Variants in STK33 observed in about 807,000 individuals in gnomAD.
STK33 encodes the protein serine/threonine kinase 33, also known as serine/threonine-protein kinase 33.
In STK33, 52 loss-of-function variants were observed where a neutral mutation model predicts 58.0. That is an observed-to-expected ratio of 0.90 (90% CI 0.72 to 1.13). STK33 has a LOEUF of 1.13. Ranked by LOEUF, STK33 falls within the 50% of genes most tolerant of loss-of-function variation. STK33 has a pLI of 0.00. For missense variants in STK33, 630 were observed against 604.2 expected, an observed-to-expected ratio of 1.04 and a Z score of -0.45; for synonymous variants, 215 against 200.1, an observed-to-expected ratio of 1.07 and a Z score of -0.63.
chr11:8,515,179 T>G (rs1169943314), intron 1 of STK33, among the ~76,000 whole-genome samples: 1 of 151,872 alleles, frequency 6.6e-6, no homozygotes, highest in African/African-American at 2.4e-5. Flanking sequence ...CTCTTAGCTA[T>G]ACTAAGAAAA....
At chr11:8,582,259 T>C (rs1457767958) in intron 1 of STK33, among the ~76,000 whole-genome samples, 2 of 152,252 alleles carry the variant, frequency 1.3e-5, no homozygotes, top group Non-Finnish European at 2.9e-5. Flanking sequence ...TATAGCTTGA[T>C]ATTTTTTAAC....
the STK33 span, among the ~76,000 whole-genome samples, chr11:8,363,653 TG>T: frequency 6.6e-6 from 1 of 152,254 alleles, no homozygotes. Flanking sequence ...CAGCGGTGCG[TG>T]CAGGACACAC....
In STK33 at chr11:8,404,643, T is replaced by C. The variant is rs545799060; in HGVS notation, c.1344+8852A>G. On this transcript the variant is annotated intron_variant, in intron 15 of 15. Coordinates refer to ENST00000687296, the MANE Select transcript of STK33 (RefSeq NM_001352389.2). ...AGGTTTTTGAGATTCATCTATGTAA[T>C]AGTAACTCATTTCTTTTTTCTTGCC... Among the ~76,000 whole-genome samples the C allele has an allele frequency of 6.3e-4, 96 of 152,356 alleles. 1 individual carries two copies. The South Asian group carries it at 0.011, about 18-fold the overall frequency.
In STK33 at chr11:8,424,235, G is replaced by A. The variant is rs189619548; in HGVS notation, c.1147-10543C>T. ...TTCCCACCTATGAGTGAGAACATGC[G>A]GTGTTTGGCTTTTTGTCCTTGCGAT... is the stretch of plus-strand genomic sequence containing the variant. On this transcript the variant is annotated intron_variant, in intron 14 of 15. Coordinates refer to ENST00000687296, the MANE Select transcript of STK33 (RefSeq NM_001352389.2). Among the ~76,000 whole-genome samples the A allele has an allele frequency of 1.5e-4, 23 of 150,576 alleles. No homozygotes were observed. In the East Asian group the frequency reaches 2.8e-3, roughly 18 times the overall value.
At chr11:8,364,788 C>T in the STK33 span, among the ~76,000 whole-genome samples, 4 of 152,192 alleles carry the variant, frequency 2.6e-5, no homozygotes, top group Non-Finnish European at 5.9e-5. Flanking sequence ...ATCCCTTCTT[C>T]TGTTGATGGA....
rs140105644 is a variant in STK33, at chr11:8,425,329, T to C, written c.1146+10165A>G. Among the ~76,000 whole-genome samples, 508 of 152,314 alleles carry C rather than the reference T, an allele frequency of 3.3e-3. 5 individuals are homozygous for C. Among genetic ancestry groups the C allele is most frequent in the African/African-American group, 0.012 (486 of 41,566 alleles). On this transcript the variant is annotated intron_variant, in intron 14 of 15. Transcript: ENST00000687296. ...GGCATTACTTCTGAGGGCTCTGTTC[T>C]GTTCCAGTGGTCTACATCTCTGTTT...
At chr11:8,463,051 C>T (rs75570395) in intron 7 of STK33, among the ~76,000 whole-genome samples, 8,080 of 152,248 alleles carry the variant, frequency 0.053, 289 homozygotes, top group Non-Finnish European at 0.071. Context: ...TACCTAGTGT[C>T]ATTCCAGCTT....
chr11:8,445,299 T>C (rs1945292431), intron 11 of STK33, among the ~76,000 whole-genome samples: 2 of 152,240 alleles, frequency 1.3e-5, no homozygotes, highest in African/African-American at 4.8e-5. Context: ...TAGGGTTTTC[T>C]AGATATACAA....
intron 1 of STK33, among the ~76,000 whole-genome samples, chr11:8,577,674 T>C (rs10840076): frequency 0.057 from 8,648 of 152,184 alleles, 450 homozygotes; most frequent in African/African-American, 0.14. Context: ...TTTATTTTCA[T>C]ATTCACCTTA....
At chr11:8,462,969 G>T (rs1947750748) in intron 7 of STK33, among the ~76,000 whole-genome samples, 1 of 152,276 alleles carries the variant, frequency 6.6e-6, no homozygotes, top group East Asian at 1.9e-4. Flanking sequence ...CCTGATTTGG[G>T]AGAGTACATA....
chr11:8,502,254 T>G (rs535083046), intron 1 of STK33, among the ~76,000 whole-genome samples: 3 of 152,172 alleles, frequency 2.0e-5, no homozygotes, highest in African/African-American at 7.2e-5. Flanking sequence ...GGGGCTACAG[T>G]AACCAAAAAA....
intron 1 of STK33, chr11:8,567,137 C>T (rs1957505384): frequency 6.6e-6 from 1 of 151,990 alleles, no homozygotes; most frequent in African/African-American, 2.4e-5. Flanking sequence ...GAGACCCTGT[C>T]TCAAAATAAT....
chr11:8,339,029 C>T, the STK33 span, among the ~76,000 whole-genome samples: 4 of 152,176 alleles, frequency 2.6e-5, no homozygotes, highest in African/African-American at 9.7e-5. Flanking sequence ...CTGAAAATCC[C>T]CATGCATCGG....
intron 1 of STK33, among the ~76,000 whole-genome samples, chr11:8,524,629 A>T (rs1422823277): frequency 6.6e-6 from 1 of 152,124 alleles, no homozygotes; most frequent in Non-Finnish European, 1.5e-5. Context: ...GAAGTTTGAT[A>T]ATGTTTTTGT....
At chr11:8,336,548 A>G in the STK33 span, among the ~76,000 whole-genome samples, 3 of 152,200 alleles carry the variant, frequency 2.0e-5, no homozygotes, top group African/African-American at 7.2e-5. Context: ...TGTCAGGTGA[A>G]CAGCCGAGGT....
intron 15 of STK33, among the ~76,000 whole-genome samples, chr11:8,403,227 G>C (rs1938447355): frequency 6.6e-6 from 1 of 152,102 alleles, no homozygotes. Context: ...ACACTGGTCA[G>C]AAAAACCTAG....
chr11:8,532,950 T>TA (rs1216251192), intron 1 of STK33, among the ~76,000 whole-genome samples: 4 of 152,188 alleles, frequency 2.6e-5, no homozygotes, highest in Non-Finnish European at 2.9e-5. Flanking sequence ...TTCACACTCA[T>TA]AAAAAAGTAG....
intron 14 of STK33, among the ~76,000 whole-genome samples, chr11:8,426,928 T>C (rs1942842483): frequency 6.6e-6 from 1 of 152,216 alleles, no homozygotes; most frequent in Admixed American, 6.5e-5. Context: ...GCTGCTCCCA[T>C]GCCCTTGCCC....
At chr11:8,482,381 G>A (rs1034761961) in intron 1 of STK33, among the ~76,000 whole-genome samples, 1 of 152,106 alleles carries the variant, frequency 6.6e-6, no homozygotes, top group African/African-American at 2.4e-5. Flanking sequence ...AGGTCCAAGA[G>A]AACAGGCCAA....
Sources: gnomAD v4.1 joint callset for allele counts (sites outside exome capture counted in the v4.1 genomes callset) on GRCh38, gnomAD v4.1.1 for gene constraint, MANE v1.5 for transcripts, NCBI Gene and HGNC (gene_info 2026-07-23, HGNC 2026-07-21) for gene names.